Variants in PCSK5 observed in about 807,000 individuals in gnomAD.
The protein encoded by PCSK5 is prohormone convertase 5.
A neutral mutation model predicts 233.2 loss-of-function variants in PCSK5; 129 were observed. That is an observed-to-expected ratio of 0.55 (90% confidence interval 0.48 to 0.64). The LOEUF (loss-of-function observed/expected upper bound fraction) is 0.64. PCSK5 is among the 30% of genes least tolerant of loss of function. PCSK5 has a pLI of 0.00. For synonymous variants in PCSK5, 825 were observed against 879.2 expected (o/e 0.94, Z 1.09); for missense variants, 2,076 against 2,430.1 (o/e 0.85, Z 3.06).
intron 37 of PCSK5, among the ~76,000 whole-genome samples, chr9:76,355,344 G>A (rs1199909059): frequency 1.3e-5 from 2 of 152,096 alleles, no homozygotes; most frequent in Non-Finnish European, 2.9e-5. Context: ...GTGGTGGCGG[G>A]CGCCTGTAGT....
chr9:76,143,222 C>A (rs1008072760), intron 10 of PCSK5, among the ~76,000 whole-genome samples: 2 of 151,740 alleles, frequency 1.3e-5, no homozygotes, highest in Admixed American at 6.6e-5. Flanking sequence ...GAGGAGACAG[C>A]CATGGTGAAG....
At chr9:76,164,129 C>A (rs973074407) in intron 12 of PCSK5, among the ~76,000 whole-genome samples, 1 of 152,128 alleles carries the variant, frequency 6.6e-6, no homozygotes, top group Non-Finnish European at 1.5e-5. Flanking sequence ...TGTCACTTCC[C>A]TACCCAAATG....
intron 2 of PCSK5, among the ~76,000 whole-genome samples, chr9:75,960,666 T>C (rs1362719058): frequency 6.6e-6 from 1 of 152,222 alleles, no homozygotes; most frequent in Non-Finnish European, 1.5e-5. Context: ...AAATTTATAT[T>C]TATAGAAGAG....
At position 76,354,095 on chromosome 9, in the gene PCSK5, C is replaced by G. The variant is rs774585337; in HGVS notation, c.5130C>G (p.Ala1710=). The G allele has an allele frequency of 2.5e-6, 4 of 1,608,180 alleles. No individual in the cohort carries two copies. In the East Asian group the frequency reaches 8.9e-5, roughly 36 times the overall value. Residue 1710 remains alanine, a synonymous_variant, in exon 37 of 38, where the codon GCC becomes GCG. Coordinates refer to ENST00000674117, the MANE Select transcript of PCSK5 (RefSeq NM_001372043.1). ...GCATGGAATGCAAGGGACCAGGGGC[C>G]AAGAACTGCACCTTGTGCCCTGCCA... is the stretch of plus-strand genomic sequence containing the variant. ...ESCMECKGPG[A]KNCTLCPANL...
chr9:76,055,937 T>G lies in PCSK5; in HGVS notation c.633-12018T>G, dbSNP rs77013545. 9.8e-3 allele frequency among the ~76,000 whole-genome samples: 1,488 copies of G among 152,304 alleles called. 29 individuals are homozygous for G. The highest frequency in any genetic ancestry group is 0.032 in the African/African-American group (1,344 of 41,588). On this transcript the variant is annotated intron_variant, in intron 5 of 37. Transcript: ENST00000674117. ...TATGATGATGCATAACATGACCAAT[T>G]AGAAACATCAATTTTGCACAATATG...
At chr9:76,254,823 A>T (rs1278049178) in intron 24 of PCSK5, among the ~76,000 whole-genome samples, 1 of 152,258 alleles carries the variant, frequency 6.6e-6, no homozygotes, top group Non-Finnish European at 1.5e-5. Flanking sequence ...AGATGAATAA[A>T]GCTTGTTCTT....
chr9:76,327,063 T>C (rs1829383372), intron 32 of PCSK5, among the ~76,000 whole-genome samples: 1 of 151,018 alleles, frequency 6.6e-6, no homozygotes, highest in African/African-American at 2.4e-5. Flanking sequence ...GGCCAGGAGT[T>C]CAAGACCAGC....
intron 2 of PCSK5, among the ~76,000 whole-genome samples, chr9:75,937,131 C>G (rs983013421): frequency 2.7e-5 from 4 of 150,596 alleles, no homozygotes; most frequent in African/African-American, 9.8e-5. Context: ...GTCATCCAGG[C>G]TTTGTTGTTC....
At chr9:76,154,519 T>A (rs1443881822) in intron 10 of PCSK5, among the ~76,000 whole-genome samples, 6 of 152,140 alleles carry the variant, frequency 3.9e-5, no homozygotes, top group Non-Finnish European at 7.4e-5. Context: ...GGTATTGCAG[T>A]GACAGCTCAA....
chr9:75,986,541 C>A (rs116197675), intron 3 of PCSK5, among the ~76,000 whole-genome samples: 2 of 152,178 alleles, frequency 1.3e-5, no homozygotes, highest in Non-Finnish European at 1.5e-5. Context: ...TAGAAAAATA[C>A]GCAAAAGTGC....
intron 9 of PCSK5, among the ~76,000 whole-genome samples, chr9:76,112,144 G>A (rs942633441): frequency 1.3e-5 from 2 of 152,024 alleles, no homozygotes; most frequent in Non-Finnish European, 2.9e-5. Flanking sequence ...AATTGCAAAG[G>A]GTCTTTCATT....
chr9:76,298,306 A>G (rs955605020), intron 27 of PCSK5, among the ~76,000 whole-genome samples: 1 of 152,054 alleles, frequency 6.6e-6, no homozygotes, highest in Admixed American at 6.6e-5. Context: ...ATTTTCTACT[A>G]TCACAATGTA....
intron 3 of PCSK5, among the ~76,000 whole-genome samples, chr9:75,992,393 G>C (rs531337169): frequency 2.0e-5 from 3 of 152,294 alleles, no homozygotes; most frequent in African/African-American, 7.2e-5. Context: ...ATAGTCCCAA[G>C]ATGACAACTT....
intron 20 of PCSK5, among the ~76,000 whole-genome samples, chr9:76,210,907 G>A (rs73650479): frequency 1.7e-3 from 264 of 152,324 alleles, no homozygotes; most frequent in African/African-American, 5.0e-3. Context: ...GGGATTAGAT[G>A]TGAGGAGGGA....
At chr9:76,110,623 G>T (rs1362383997) in intron 9 of PCSK5, among the ~76,000 whole-genome samples, 1 of 152,102 alleles carries the variant, frequency 6.6e-6, no homozygotes, top group African/African-American at 2.4e-5. Context: ...TTGAGCCCAG[G>T]AGTTCAAGGC....
At position 76,358,553 on chromosome 9, in the gene PCSK5, T is replaced by G; in HGVS notation, c.5295T>G (p.Thr1765=). 2 of 1,612,742 alleles carry G rather than the reference T, an allele frequency of 1.2e-6. No individual in the cohort carries two copies. The highest frequency in any genetic ancestry group is 1.7e-6 in the Non-Finnish European group (2 of 1,179,788). The change falls in exon 38 of 38, where the codon ACT becomes ACG. Residue 1765 remains threonine (T), a synonymous_variant. Transcript: ENST00000674117. ...GAACAAGCAAGGTTAGGCCTGCAACTGAGCATTTCAAGACAGCTCTGTTCA... is the reference window on the plus strand; with the variant it reads ...GAACAAGCAAGGTTAGGCCTGCAACGGAGCATTTCAAGACAGCTCTGTTCA... ...ILRTSKVRPA[T]EHFKTALFIT...
intron 24 of PCSK5, among the ~76,000 whole-genome samples, chr9:76,282,747 C>T (rs935058113): frequency 1.3e-5 from 2 of 152,152 alleles, no homozygotes; most frequent in Non-Finnish European, 2.9e-5. Context: ...GAGCATAGTA[C>T]CCAATAGGTA....
Position 76,310,646 on chromosome 9 carries a change from G to T in PCSK5, c.3689-10G>T. On this transcript the variant is annotated splice_polypyrimidine_tract_variant and intron_variant, in intron 29 of 37. Transcript: ENST00000674117. ...ACTATTCCCATCTTCCCTCTTCCCT[G>T]AATTTCTAGGTGCATATCTTCTGGC... The T allele has an allele frequency of 1.3e-6, 2 of 1,527,864 alleles. No individual in the cohort carries two copies. The allele number at this position is 1,527,864 out of a possible 1,614,324, so 94.6% of individuals were successfully genotyped here.
chr9:76,346,598 C>G (rs1829988773), intron 35 of PCSK5, among the ~76,000 whole-genome samples: 1 of 151,836 alleles, frequency 6.6e-6, no homozygotes, highest in South Asian at 2.1e-4. Context: ...GTTATTTTTT[C>G]ATATAATTCT....
Sources: gnomAD v4.1 joint callset for allele counts (sites outside exome capture counted in the v4.1 genomes callset) on GRCh38, gnomAD v4.1.1 for gene constraint, MANE v1.5 for transcripts, NCBI Gene and HGNC (gene_info 2026-07-23, HGNC 2026-07-21) for gene names.